Variants in TRAF5 observed in about 807,000 individuals in gnomAD.
TRAF5 encodes the protein TNF receptor associated factor 5, also known as TNF receptor-associated factor 5.
TRAF5 carries 48 observed loss-of-function variants against 64.5 expected under a neutral mutation model. The ratio of observed to expected loss-of-function variants is 0.74; its 90% CI spans 0.59 to 0.95. The LOEUF (loss-of-function observed/expected upper bound fraction) is 0.95. Ranked by LOEUF, TRAF5 falls within the 40% of genes least tolerant of loss-of-function variation. The probability of loss-of-function intolerance (pLI) is 0.00; values close to 1 mark genes in which losing one functional copy is unlikely to be tolerated. For synonymous variants in TRAF5, 206 were observed against 240.5 expected, an observed-to-expected ratio of 0.86 and a Z score of 1.33; for missense variants, 545 against 662.8, an observed-to-expected ratio of 0.82 and a Z score of 1.95.
intron 1 of TRAF5, among the ~76,000 whole-genome samples, chr1:211,350,723 G>GT (rs1702760411): frequency 6.6e-6 from 1 of 152,232 alleles, no homozygotes; most frequent in African/African-American, 2.4e-5. Context: ...AAGCACCATA[G>GT]ACTAGGTAGC....
intron 9 of TRAF5, 149 bp downstream of exon 9, chr1:211,369,741 C>G: frequency 1.1e-6 from 1 of 911,622 alleles, no homozygotes; most frequent in Non-Finnish European, 1.6e-6. Flanking sequence ...ATAACCTCCA[C>G]CCTGATTCAC....
chr1:211,337,964 CAG>C (rs1054574232), intron 1 of TRAF5, among the ~76,000 whole-genome samples: 15 of 152,138 alleles, frequency 9.9e-5, no homozygotes, highest in African/African-American at 3.1e-4. Context: ...AGATAGAAAT[CAG>C]GGCATTGTCA....
chr1:211,365,662 G>A (rs1397168206), intron 8 of TRAF5, among the ~76,000 whole-genome samples, 194 bp downstream of exon 8: 1 of 152,144 alleles, frequency 6.6e-6, no homozygotes, highest in African/African-American at 2.4e-5. Context: ...AGGATCCTTG[G>A]GTCCATCCTC....
rs377704147 is a variant in TRAF5, at chr1:211,359,961, A to T, written c.428A>T (p.Lys143Met). Residue 143 changes from lysine to methionine, a missense_variant, in exon 5 of 11, where the codon AAG (lysine) becomes ATG (methionine). Coordinates refer to ENST00000261464, the MANE Select transcript of TRAF5 (RefSeq NM_001033910.3). ...CAACCTGTGCAGTGTTCTAATGAGAAGTGCCGGGAGCCAGTCCTACGGAAA... is the reference window on the plus strand; with the variant it reads ...CAACCTGTGCAGTGTTCTAATGAGATGTGCCGGGAGCCAGTCCTACGGAAA... Reference protein sequence around the residue: ...LFQPVQCSNEKCREPVLRKDL... With the variant: ...LFQPVQCSNEMCREPVLRKDL... The T allele has an allele frequency of 1.8e-5, 29 of 1,613,974 alleles. No individual in the cohort carries two copies. Among genetic ancestry groups the T allele is most frequent in the Non-Finnish European group, 2.5e-5 (29 of 1,179,938 alleles).
chr1:211,356,475 A>G lies in TRAF5; in HGVS notation c.378+7A>G, dbSNP rs754149417. ...TATTCTGGGCCGGTACCAGGTTGGT[A>G]TTACTCATGAACGATATCTGCTTTT... On this transcript the variant is annotated splice_region_variant and intron_variant, in intron 4 of 10. Coordinates refer to ENST00000261464, the MANE Select transcript of TRAF5 (RefSeq NM_001033910.3). 14 of 1,613,242 alleles carry G rather than the reference A, an allele frequency of 8.7e-6. 1 individual carries two copies. In the South Asian group the frequency reaches 1.3e-4, roughly 15 times the overall value.
chr1:211,359,845 T>C (rs745636006), intron 4 of TRAF5, 67 bp from the exon 5 acceptor site: 11 of 1,601,894 alleles, frequency 6.9e-6, no homozygotes, highest in Middle Eastern at 1.8e-4. Context: ...TCCCTAGGCC[T>C]TCCAGCTGAC....
intron 7 of TRAF5, among the ~76,000 whole-genome samples, chr1:211,363,910 C>CAAA (rs35539677): frequency 8.8e-4 from 75 of 85,568 alleles, no homozygotes; most frequent in African/African-American, 1.3e-3. Flanking sequence ...GACCCTGTCT[C>CAAA]AAAAAAAAAA....
intron 1 of TRAF5, among the ~76,000 whole-genome samples, chr1:211,336,071 A>G (rs542054098): frequency 6.6e-6 from 1 of 152,226 alleles, no homozygotes; most frequent in South Asian, 2.1e-4. Flanking sequence ...TTTAAAATCA[A>G]CATTGAACAG....
At chr1:211,338,324 C>A (rs945839442) in intron 1 of TRAF5, among the ~76,000 whole-genome samples, 2 of 152,170 alleles carry the variant, frequency 1.3e-5, no homozygotes, top group African/African-American at 4.8e-5. Context: ...AGCAGAGCAT[C>A]TGGGGCCCTG....
intron 1 of TRAF5, among the ~76,000 whole-genome samples, chr1:211,330,401 T>C (rs1230770186): frequency 6.6e-6 from 1 of 150,904 alleles, no homozygotes; most frequent in Non-Finnish European, 1.5e-5. Flanking sequence ...GAGAAAGTGC[T>C]CTCCTCCAGA....
At chr1:211,329,430 A>G (rs1572047659) in intron 1 of TRAF5, among the ~76,000 whole-genome samples, 2 of 152,028 alleles carry the variant, frequency 1.3e-5, no homozygotes, top group African/African-American at 2.4e-5. Context: ...ACTTCTCACT[A>G]CCTCCTCAGG....
intron 1 of TRAF5, among the ~76,000 whole-genome samples, chr1:211,328,488 G>A (rs1241054447): frequency 6.6e-6 from 1 of 152,192 alleles, no homozygotes; most frequent in East Asian, 1.9e-4. Flanking sequence ...GTGACGGGCA[G>A]GGTAGGATGG....
At chr1:211,356,605 A>G (rs1415052178) in intron 4 of TRAF5, 137 bp downstream of exon 4, 1 of 752,376 alleles carries the variant, frequency 1.3e-6, no homozygotes, top group East Asian at 2.8e-5. Context: ...CCAGTCTAGC[A>G]ATACAGGTGG....
intron 5 of TRAF5, 150 bp from the exon 6 acceptor site, chr1:211,360,552 G>A (rs1396077552): frequency 2.5e-5 from 15 of 592,266 alleles, no homozygotes. Context: ...CACCTAGAAA[G>A]TGGACATCTT....
intron 8 of TRAF5, chr1:211,368,915 ACAGT>A (rs994783143): frequency 1.1e-4 from 17 of 152,236 alleles, no homozygotes; most frequent in African/African-American, 3.4e-4. Context: ...GGTATGATAG[ACAGT>A]CAGCAAGTTT....
chr1:211,335,727 A>G lies in TRAF5; in HGVS notation c.-2+8838A>G, dbSNP rs1019228866. On this transcript the variant is annotated intron_variant, in intron 1 of 10. Transcript: ENST00000261464. ...AGAGGAAAAGATGTTTCCGGAAGAG[A>G]CAACAGCTTGAGGAAAGGGAGACCC... Among the ~76,000 whole-genome samples the G allele has an allele frequency of 6.6e-4, 100 of 152,266 alleles. 1 individual carries two copies. The highest frequency in any genetic ancestry group is 2.3e-3 in the African/African-American group (96 of 41,540).
chr1:211,328,078 G>A (rs1702067468), intron 1 of TRAF5, among the ~76,000 whole-genome samples: 1 of 152,220 alleles, frequency 6.6e-6, no homozygotes, highest in South Asian at 2.1e-4. Flanking sequence ...TTTTGGGTGT[G>A]TGCGAGATAA....
intron 8 of TRAF5, among the ~76,000 whole-genome samples, chr1:211,366,905 G>GT (rs541499721): frequency 1.3e-5 from 2 of 152,088 alleles, no homozygotes; most frequent in Non-Finnish European, 2.9e-5. Context: ...TTGAACTAAT[G>GT]TTTTTTTCAA....
Position 211,360,691 on chromosome 1 carries a change from C to T in TRAF5, c.544-11C>T. On this transcript the variant is annotated splice_polypyrimidine_tract_variant and intron_variant, in intron 5 of 10. Transcript: ENST00000261464. ...ACAACCCTTTGTTTTATTGCACTTT[C>T]TCTATTTCAGAATCATGAGGAAAAC... 6.2e-7 allele frequency: 1 copy of T among 1,609,940 alleles called. No individual in the cohort carries two copies. The highest frequency in any genetic ancestry group is 8.5e-7 in the Non-Finnish European group (1 of 1,176,350).
Sources: allele counts gnomAD v4.1 joint callset (sites outside exome capture counted in the v4.1 genomes callset), GRCh38; gene constraint gnomAD v4.1.1; transcripts MANE v1.5; gene names NCBI Gene and HGNC (gene_info 2026-07-23, HGNC 2026-07-21).